Variants in TNRC6C observed in about 807,000 individuals in gnomAD.
TNRC6C encodes the protein trinucleotide repeat-containing gene 6C protein.
A neutral mutation model predicts 153.7 loss-of-function variants in TNRC6C; 20 were observed. The ratio of observed to expected loss-of-function variants is 0.13; its 90% CI spans 0.09 to 0.19. TNRC6C has a LOEUF of 0.19. TNRC6C is among the 10% of genes least tolerant of loss of function. The probability of loss-of-function intolerance (pLI) is 1.00; values close to 1 mark genes in which losing one functional copy is unlikely to be tolerated. For missense variants in TNRC6C, 1,987 were observed against 2,172.0 expected (o/e 0.91, Z 1.69); for synonymous variants, 811 against 841.4 (o/e 0.96, Z 0.63).
At chr17:77,984,142 A>T (rs2071121835) in intron 1 of TNRC6C, among the ~76,000 whole-genome samples, 2 of 152,192 alleles carry the variant, frequency 1.3e-5, no homozygotes, top group African/African-American at 4.8e-5. Flanking sequence ...GGCACTGTAG[A>T]CATTTCCCTT....
At chr17:78,012,368 A>G (rs2071649557) in intron 1 of TNRC6C, among the ~76,000 whole-genome samples, 1 of 152,048 alleles carries the variant, frequency 6.6e-6, no homozygotes, top group Non-Finnish European at 1.5e-5. Flanking sequence ...GAGGGAGAGG[A>G]GCAGAAAAGA....
At chr17:78,041,761 G>A (rs140607658) in intron 2 of TNRC6C, among the ~76,000 whole-genome samples, 176 of 152,350 alleles carry the variant, frequency 1.2e-3, no homozygotes, top group African/African-American at 4.1e-3. Flanking sequence ...ACCAAGCAGC[G>A]AAGGATTTGT....
At chr17:78,060,485 T>C (rs921691332) in intron 3 of TNRC6C, among the ~76,000 whole-genome samples, 2 of 150,068 alleles carry the variant, frequency 1.3e-5, no homozygotes. Flanking sequence ...TTTTTTTTTT[T>C]TTTTGAGACA....
At chr17:78,048,497 C>G (rs528921714) in intron 2 of TNRC6C, among the ~76,000 whole-genome samples, 1 of 152,308 alleles carries the variant, frequency 6.6e-6, no homozygotes, top group South Asian at 2.1e-4. Flanking sequence ...CAGTGTTTCT[C>G]AGTCTCTGTA....
At chr17:78,070,762 G>A (rs1203189212) in intron 5 of TNRC6C, among the ~76,000 whole-genome samples, 3 of 152,086 alleles carry the variant, frequency 2.0e-5, no homozygotes, top group Admixed American at 6.5e-5. Flanking sequence ...TGTGTTCAAG[G>A]GAGCGCTTAG....
chr17:78,090,130 G>A (rs2073368101), intron 13 of TNRC6C, among the ~76,000 whole-genome samples: 1 of 152,214 alleles, frequency 6.6e-6, no homozygotes, highest in Non-Finnish European at 1.5e-5. Context: ...GGTCTGCGAA[G>A]TGTGTGTGTG....
At position 77,977,891 on chromosome 17, in the gene TNRC6C, CTTTTTTT is replaced by C. The variant is rs528315933; in HGVS notation, c.-38+18639_-38+18645del. Among the ~76,000 whole-genome samples, 765 of 114,136 alleles carry C rather than the reference CTTTTTTT, an allele frequency of 6.7e-3. 8 individuals carry two copies. Among genetic ancestry groups the C allele is most frequent in the Admixed American group, 9.0e-3 (99 of 10,948 alleles). 74.9% of individuals were successfully genotyped at this position (114,136 alleles called of 152,430 possible). Reference sequence around the variant, plus strand: ...TATCAGTATTTTTTCTTTAAAACCTCTTTTTTTTTTTTTTTTTTTTTTGAGGCAGAGT... The same window carrying C: ...TATCAGTATTTTTTCTTTAAAACCTCTTTTTTTTTTTTTTTGAGGCAGAGT... On this transcript the variant is annotated intron_variant, in intron 1 of 22. Coordinates refer to the TNRC6C transcript ENST00000636222.
intron 16 of TNRC6C, among the ~76,000 whole-genome samples, chr17:78,096,033 A>G (rs1326101543): frequency 6.6e-6 from 1 of 152,202 alleles, no homozygotes; most frequent in East Asian, 1.9e-4. Context: ...CCTGGGTGAC[A>G]GAGCAAGACT....
chr17:78,049,235 C>T lies in TNRC6C; in HGVS notation c.173C>T (p.Ser58Phe). 1.2e-6 allele frequency: 2 copies of T among 1,611,082 alleles called. No individual in the cohort carries two copies. The highest frequency in any genetic ancestry group is 1.1e-5 in the South Asian group (1 of 90,560). Residue 58 changes from serine to phenylalanine, a missense_variant, in exon 3 of 20, where the codon TCC becomes TTC. Physicochemically the swap from Ser to Phe is radical, Grantham distance 155. Around this residue, in one of 4 missense-constraint regions of TNRC6C, gnomAD observed 1,052 missense variants for 1,017.0 expected, o/e 1.03. Transcript: ENST00000301624. This position sits in a 1 kb window ranked among gnomAD's most constrained non-coding sequence, Gnocchi z 4.1. ...AGAGTGTGGGGTGTAGCCACAGGCT[C>T]CAGCTCTGGCCTGGCTCACTGCTCT...
At chr17:78,033,796 A>C (rs9899593) in intron 2 of TNRC6C, among the ~76,000 whole-genome samples, 3,597 of 152,314 alleles carry the variant, frequency 0.024, 136 homozygotes, top group African/African-American at 0.081. Flanking sequence ...TAGTGAGCAT[A>C]AAATAAGAAA....
chr17:78,067,773 A>G lies in TNRC6C; in HGVS notation c.2628A>G (p.Gln876=). 3 of 1,608,970 alleles carry G rather than the reference A, an allele frequency of 1.9e-6. No individual in the cohort carries two copies. The highest frequency in any genetic ancestry group is 2.5e-6 in the Non-Finnish European group (3 of 1,178,232). Residue 876 remains glutamine, a synonymous_variant, in exon 5 of 20, where the codon CAA becomes CAG. Coordinates refer to ENST00000301624, the Ensembl canonical transcript of TNRC6C. ...TGTTTCTAGCTTCAAAATCTATGCA[A>G]GAAGGCTGGGGCAGTGGTGGGGATG...
chr17:77,973,139 T>A (rs1382702519), intron 1 of TNRC6C, among the ~76,000 whole-genome samples: 1 of 152,138 alleles, frequency 6.6e-6, no homozygotes, highest in Non-Finnish European at 1.5e-5. Flanking sequence ...ACTCCTGACT[T>A]CAGGTGATCC....
At chr17:78,096,065 C>T (rs1343705653) in intron 16 of TNRC6C, among the ~76,000 whole-genome samples, 2 of 152,046 alleles carry the variant, frequency 1.3e-5, no homozygotes, top group African/African-American at 4.8e-5. Context: ...AAAGAAAAGG[C>T]CTCCCAAAGC....
chr17:77,958,403 AGCGCGCACCGCTCGCACCCCGGC>A (rs2070827595), upstream of TNRC6C, among the ~76,000 whole-genome samples: 1 of 151,638 alleles, frequency 6.6e-6, no homozygotes, highest in Non-Finnish European at 1.5e-5. Context: ...GGCCACTCGG[AGCGCGCACCGCTCGCACCCCGGC>A]GCGCTCCCCG....
chr17:78,022,482 C>T (rs1054909726), intron 1 of TNRC6C, among the ~76,000 whole-genome samples: 6 of 152,148 alleles, frequency 3.9e-5, no homozygotes, highest in Non-Finnish European at 5.9e-5. Context: ...TGAATTTGTC[C>T]TTCAGTCATT....
Position 78,049,587 on chromosome 17 carries a change from A to G in TNRC6C, c.525A>G (p.Gln175=), listed in dbSNP as rs755936899. The stretch of plus-strand genomic sequence containing the variant: ...CTCAGAATGTGTCTTTCAGCGCACA[A>G]CCTCAGAACCTTAACACTGATGGAC... The change falls in exon 3 of 20, where the codon CAA becomes CAG. Residue 175 remains glutamine (Q), a synonymous_variant. Transcript: ENST00000301624. The surrounding 1 kb of genome is among the most constrained non-coding windows in gnomAD (Gnocchi z 4.1). 33 of 1,613,812 alleles carry G rather than the reference A, an allele frequency of 2.0e-5. No individual in the cohort carries two copies. The highest frequency in any genetic ancestry group is 1.6e-4 in the Middle Eastern group (1 of 6,084).
chr17:77,998,218 G>T (rs1303424175), intron 1 of TNRC6C, among the ~76,000 whole-genome samples: 2 of 151,862 alleles, frequency 1.3e-5, no homozygotes, highest in African/African-American at 4.8e-5. Context: ...CTACAATTTT[G>T]CCTTTTCAAG....
intron 1 of TNRC6C, among the ~76,000 whole-genome samples, chr17:78,018,516 G>C (rs1265082640): frequency 1.3e-5 from 2 of 152,140 alleles, no homozygotes; most frequent in Non-Finnish European, 2.9e-5. Context: ...ATAAGGAGAG[G>C]ATAGGTGGGG....
rs1312120316 is a variant in TNRC6C at position 78,104,168 on chromosome 17, A to G, written c.4713-317A>G. Among the ~76,000 whole-genome samples the G allele has an allele frequency of 1.3e-5, 2 of 152,192 alleles. No homozygotes were observed. Among genetic ancestry groups the G allele is most frequent in the Non-Finnish European group, 2.9e-5 (2 of 68,038 alleles). On this transcript the variant is annotated intron_variant, in intron 19 of 19. Transcript: ENST00000301624. This position sits in a 1 kb window ranked among gnomAD's most constrained non-coding sequence, Gnocchi z 6.2. Reference sequence around the variant, plus strand: ...ACGAGTAGACCTGATCAGTAACATCACTTGAGACGTTGGAACCTAGAAATT... The same window carrying G: ...ACGAGTAGACCTGATCAGTAACATCGCTTGAGACGTTGGAACCTAGAAATT...
Sources: allele counts gnomAD v4.1 joint callset (sites outside exome capture counted in the v4.1 genomes callset), GRCh38; gene constraint gnomAD v4.1.1; regional missense constraint gnomAD v4.1.1; non-coding constraint Gnocchi (gnomAD v3.1); transcripts MANE v1.5; gene names NCBI Gene and HGNC (gene_info 2026-07-23, HGNC 2026-07-21).